ALK: variants seen among roughly 807,000 people sequenced by gnomAD.
ALK encodes ALK tyrosine kinase receptor.
ALK carries 74 observed loss-of-function variants against 163.1 expected under a neutral mutation model. The ratio of observed to expected loss-of-function variants is 0.45; its 90% CI spans 0.38 to 0.55. The LOEUF (loss-of-function observed/expected upper bound fraction) is 0.55, where lower values mean the gene tolerates loss of function less well. ALK is among the 20% of genes least tolerant of loss of function. The pLI, the probability that ALK is intolerant of heterozygous loss-of-function variation, is 0.00. For synonymous variants in ALK, 960 were observed against 843.2 expected, an observed-to-expected ratio of 1.14 and a Z score of -2.40; for missense variants, 2,063 against 2,105.3, an observed-to-expected ratio of 0.98 and a Z score of 0.39.
chr2:29,451,026 A>C (rs374507699), intron 4 of ALK, among the ~76,000 whole-genome samples: 1 of 152,282 alleles, frequency 6.6e-6, no homozygotes, highest in Non-Finnish European at 1.5e-5. Context: ...AACACACACA[A>C]AGAGTGCCTG....
intron 3 of ALK, among the ~76,000 whole-genome samples, chr2:29,548,272 G>C (rs938164228): frequency 6.6e-6 from 1 of 152,156 alleles, no homozygotes; most frequent in African/African-American, 2.4e-5. Flanking sequence ...AGGAGACTGG[G>C]ACCGTCCTGG....
At chr2:29,228,213 CA>C (rs992900511) in intron 16 of ALK, among the ~76,000 whole-genome samples, 1 of 152,220 alleles carries the variant, frequency 6.6e-6, no homozygotes, top group Admixed American at 6.5e-5. Context: ...GTGGTTAACA[CA>C]AGCATCTTAC....
At chr2:29,217,486 A>AT (rs969657288) in intron 23 of ALK, among the ~76,000 whole-genome samples, 16 of 151,670 alleles carry the variant, frequency 1.1e-4, no homozygotes, top group East Asian at 5.8e-4. Flanking sequence ...GGACCAAGTG[A>AT]TTTTTTCATC....
chr2:29,502,129 C>T (rs1436125435), intron 4 of ALK, among the ~76,000 whole-genome samples: 1 of 152,160 alleles, frequency 6.6e-6, no homozygotes, highest in Non-Finnish European at 1.5e-5. Context: ...CTGTAATAGG[C>T]ACAGGTACAC....
chr2:29,485,478 A>C (rs1671756874), intron 4 of ALK, among the ~76,000 whole-genome samples: 1 of 152,180 alleles, frequency 6.6e-6, no homozygotes, highest in Non-Finnish European at 1.5e-5. Flanking sequence ...TTTTAAACAA[A>C]AGATTTCCTC....
At chr2:29,671,807 G>A (rs2148270873) in intron 3 of ALK, among the ~76,000 whole-genome samples, 1 of 151,970 alleles carries the variant, frequency 6.6e-6, no homozygotes, top group South Asian at 2.1e-4. Flanking sequence ...TACAGGGTGT[G>A]GGGAGTAAAA....
intron 3 of ALK, among the ~76,000 whole-genome samples, chr2:29,615,231 A>G (rs1675807513): frequency 6.6e-6 from 1 of 152,036 alleles, no homozygotes; most frequent in Non-Finnish European, 1.5e-5. Context: ...ACTCTTCCAG[A>G]TATCATGCCA....
At chr2:29,306,282 T>A (rs1666507152) in intron 8 of ALK, among the ~76,000 whole-genome samples, 1 of 152,228 alleles carries the variant, frequency 6.6e-6, no homozygotes, top group Non-Finnish European at 1.5e-5. Flanking sequence ...AGACGTTAAG[T>A]CAGTCACCCC....
chr2:29,851,234 AC>A (rs1184067811), intron 1 of ALK, among the ~76,000 whole-genome samples: 1 of 152,082 alleles, frequency 6.6e-6, no homozygotes, highest in Non-Finnish European at 1.5e-5. Context: ...TCTGCTCCAA[AC>A]CCCTTAATGG....
In ALK at chr2:29,638,845, A is replaced by G. The variant is rs74673770; in HGVS notation, c.952+56005T>C. On this transcript the variant is annotated intron_variant, in intron 3 of 28. Coordinates refer to ENST00000389048, the MANE Select transcript of ALK (RefSeq NM_004304.5). ...CCCTGAGCCATATACATGTTTATAC[A>G]TGTTTTACCCATATACAAAATGCAG... Among the ~76,000 whole-genome samples, 650 of 152,234 alleles carry G rather than the reference A, an allele frequency of 4.3e-3. 7 individuals carry two copies. The East Asian group carries it at 0.044, about 10-fold the overall frequency.
intron 1 of ALK, among the ~76,000 whole-genome samples, chr2:29,856,146 G>A (rs1666133545): frequency 6.6e-6 from 1 of 152,084 alleles, no homozygotes; most frequent in African/African-American, 2.4e-5. Flanking sequence ...GTTGTCAGAC[G>A]ACTCATAACT....
At chr2:29,739,898 T>C (rs189302003) in intron 1 of ALK, among the ~76,000 whole-genome samples, 2 of 152,174 alleles carry the variant, frequency 1.3e-5, no homozygotes, top group Non-Finnish European at 2.9e-5. Context: ...TACAAGAAAC[T>C]CTATCATGTG....
intron 3 of ALK, among the ~76,000 whole-genome samples, chr2:29,578,826 G>T (rs1573471590): frequency 6.6e-6 from 1 of 152,330 alleles, no homozygotes; most frequent in East Asian, 1.9e-4. Flanking sequence ...CCGCTGGTTA[G>T]TGCAGATCCC....
chr2:29,387,178 C>T (rs116198376), intron 4 of ALK, among the ~76,000 whole-genome samples: 1,662 of 152,288 alleles, frequency 0.011, 26 homozygotes, highest in African/African-American at 0.038. Context: ...CAGCTTGTCA[C>T]AATCCATTAT....
At chr2:29,813,328 G>C (rs570180847) in intron 1 of ALK, among the ~76,000 whole-genome samples, 49 of 152,256 alleles carry the variant, frequency 3.2e-4, no homozygotes, top group African/African-American at 1.1e-3. Flanking sequence ...ATCCATTTCA[G>C]TCTGGGCAGT....
chr2:29,263,584 G>A (rs1665141001), intron 11 of ALK, among the ~76,000 whole-genome samples: 1 of 152,174 alleles, frequency 6.6e-6, no homozygotes, highest in South Asian at 2.1e-4. Flanking sequence ...AAAGAAAGCA[G>A]TGGGGAAGCA....
At chr2:29,742,620 T>C (rs768259273) in intron 1 of ALK, among the ~76,000 whole-genome samples, 2 of 152,240 alleles carry the variant, frequency 1.3e-5, no homozygotes, top group Non-Finnish European at 2.9e-5. Context: ...TCCAGTGATC[T>C]ATCCAACAGA....
rs909537602 is a variant in ALK at position 29,790,879 on chromosome 2, C to A, written c.668-73182G>T. Among the ~76,000 whole-genome samples, 5 of 152,108 alleles carry A rather than the reference C, an allele frequency of 3.3e-5. No individual in the cohort carries two copies. The South Asian group carries it at 1.0e-3, about 32-fold the overall frequency. On this transcript the variant is annotated intron_variant, in intron 1 of 28. Transcript: ENST00000389048. ...AATTAGAGGTGTGAGTCACCTCACC[C>A]GGCCAAAAAATAATCCTTTAAGATC...
chr2:29,205,159 G>C (rs1669280241), intron 26 of ALK, among the ~76,000 whole-genome samples: 1 of 152,130 alleles, frequency 6.6e-6, no homozygotes, highest in African/African-American at 2.4e-5. Context: ...TAGTTTTTCT[G>C]ATCTTTTGGA....
Sources: gnomAD v4.1 joint callset for allele counts (sites outside exome capture counted in the v4.1 genomes callset) on GRCh38, gnomAD v4.1.1 for gene constraint, MANE v1.5 for transcripts, NCBI Gene and HGNC (gene_info 2026-07-23, HGNC 2026-07-21) for gene names.